CARMIL1: variants seen among roughly 807,000 people sequenced by gnomAD.
The protein encoded by CARMIL1 is capping protein regulator and myosin 1 linker 1.
In CARMIL1, 90 loss-of-function variants were observed where a neutral mutation model predicts 177.1. That is an observed-to-expected ratio of 0.51 (90% CI 0.43 to 0.61). CARMIL1 has a LOEUF of 0.61. Ranked by LOEUF, CARMIL1 falls within the 20% of genes least tolerant of loss-of-function variation. The probability of loss-of-function intolerance (pLI) is 0.00; values close to 1 mark genes in which losing one functional copy is unlikely to be tolerated. For synonymous variants in CARMIL1, 577 were observed against 606.2 expected (o/e 0.95, Z 0.71); for missense variants, 1,380 against 1,667.0 (o/e 0.83, Z 3.00).
intron 32 of CARMIL1, among the ~76,000 whole-genome samples, chr6:25,595,920 T>A (rs1814795278): frequency 6.6e-6 from 1 of 152,210 alleles, no homozygotes; most frequent in Non-Finnish European, 1.5e-5. Flanking sequence ...GCCCATAATA[T>A]ATAGTCTGCC....
intron 29 of CARMIL1, among the ~76,000 whole-genome samples, chr6:25,559,179 G>A (rs1252983230): frequency 6.6e-6 from 1 of 152,074 alleles, no homozygotes; most frequent in African/African-American, 2.4e-5. Context: ...TTCTGAGCTG[G>A]TACAAACTCA....
intron 2 of CARMIL1, among the ~76,000 whole-genome samples, chr6:25,332,572 GA>G (rs1785737814): frequency 6.6e-6 from 1 of 152,134 alleles, no homozygotes; most frequent in Admixed American, 6.6e-5. Context: ...GACTTTTGCT[GA>G]AACTGAGGGA....
intron 8 of CARMIL1, 116 bp downstream of exon 8, chr6:25,450,827 C>A (rs1581990493): frequency 2.8e-6 from 1 of 356,928 alleles, no homozygotes; most frequent in Non-Finnish European, 5.1e-6. Context: ...CCCCTTCCCT[C>A]CCCTTCCCTC....
chr6:25,556,848 A>G lies in CARMIL1; in HGVS notation c.2740A>G (p.Met914Val). ...IERLEDLDTC[M>V]MTPKSKRKSI... ...GCGTTTGGAAGATCTGGATACCTGTATGGTAAGACACATCCTCTGGTGGTA... is the reference window on the plus strand; with the variant it reads ...GCGTTTGGAAGATCTGGATACCTGTGTGGTAAGACACATCCTCTGGTGGTA... The change falls in exon 29 of 37, where the codon ATG (methionine) becomes GTG (valine). Residue 914 changes from methionine to valine, a missense_variant and splice_region_variant. Physicochemically the swap from Met to Val is conservative, Grantham distance 21 (BLOSUM62 1). Transcript: ENST00000329474. 7 of 1,610,222 alleles carry G rather than the reference A, an allele frequency of 4.3e-6. No homozygotes were observed. Among genetic ancestry groups the G allele is most frequent in the Non-Finnish European group, 5.9e-6 (7 of 1,177,718 alleles).
intron 2 of CARMIL1, among the ~76,000 whole-genome samples, chr6:25,391,560 G>A (rs1327427794): frequency 6.6e-6 from 1 of 152,140 alleles, no homozygotes; most frequent in Non-Finnish European, 1.5e-5. Flanking sequence ...CTTCTTCAGG[G>A]GCCTTGTCAG....
At chr6:25,336,347 T>C (rs900985196) in intron 2 of CARMIL1, among the ~76,000 whole-genome samples, 1 of 152,176 alleles carries the variant, frequency 6.6e-6, no homozygotes, top group Non-Finnish European at 1.5e-5. Context: ...AGTACTCAGC[T>C]TCTGTATGTG....
chr6:25,559,380 A>G (rs1368833692), intron 29 of CARMIL1, among the ~76,000 whole-genome samples: 1 of 152,210 alleles, frequency 6.6e-6, no homozygotes, highest in East Asian at 1.9e-4. Flanking sequence ...TTAATTCGTG[A>G]TGGTTTTCTA....
intron 2 of CARMIL1, among the ~76,000 whole-genome samples, chr6:25,328,661 A>G (rs1785334817): frequency 1.3e-5 from 2 of 152,142 alleles, no homozygotes; most frequent in African/African-American, 4.8e-5. Flanking sequence ...TCTCTTCCAG[A>G]GTTATCTTCC....
At chr6:25,566,592 T>C (rs1811573535) in intron 29 of CARMIL1, among the ~76,000 whole-genome samples, 1 of 152,226 alleles carries the variant, frequency 6.6e-6, no homozygotes, top group Non-Finnish European at 1.5e-5. Flanking sequence ...TAGCACTTAT[T>C]AGAACTTGAA....
chr6:25,580,675 C>A (rs1813040741), intron 29 of CARMIL1, among the ~76,000 whole-genome samples: 1 of 152,162 alleles, frequency 6.6e-6, no homozygotes, highest in Admixed American at 6.5e-5. Context: ...TAAATTCATT[C>A]ATTGCTCTTT....
chr6:25,528,207 CCT>C (rs886552093), intron 23 of CARMIL1, among the ~76,000 whole-genome samples: 1 of 151,986 alleles, frequency 6.6e-6, no homozygotes, highest in African/African-American at 2.4e-5. Context: ...ATAATTCAGT[CCT>C]GTTTTTGAGA....
chr6:25,458,188 C>G (rs1799705385), intron 8 of CARMIL1, among the ~76,000 whole-genome samples: 1 of 151,986 alleles, frequency 6.6e-6, no homozygotes, highest in South Asian at 2.1e-4. Context: ...ACTCTCAATC[C>G]CTTGTCAACT....
chr6:25,618,264 T>G (rs562708926), intron 36 of CARMIL1, among the ~76,000 whole-genome samples: 49 of 152,118 alleles, frequency 3.2e-4, no homozygotes, highest in African/African-American at 1.1e-3. Context: ...AGATAAGTTT[T>G]TTTTTTTTTT....
intron 8 of CARMIL1, 116 bp downstream of exon 8, chr6:25,450,827 C>T (rs1581990493): frequency 2.8e-6 from 1 of 356,926 alleles, no homozygotes; most frequent in Non-Finnish European, 5.1e-6. Flanking sequence ...CCCCTTCCCT[C>T]CCCTTCCCTC....
At chr6:25,612,974 C>A in intron 36 of CARMIL1, 1 of 831,398 alleles carries the variant, frequency 1.2e-6, no homozygotes, top group Non-Finnish European at 1.5e-6. Flanking sequence ...TGAATTCTAT[C>A]GTGGGACTGG....
At chr6:25,310,289 A>G (rs2150202714) in intron 2 of CARMIL1, among the ~76,000 whole-genome samples, 1 of 152,334 alleles carries the variant, frequency 6.6e-6, no homozygotes, top group Middle Eastern at 3.4e-3. Context: ...AGGGACATGT[A>G]GACTTAATTA....
At chr6:25,574,507 C>G (rs905849275) in intron 29 of CARMIL1, among the ~76,000 whole-genome samples, 58 of 152,350 alleles carry the variant, frequency 3.8e-4, no homozygotes, top group African/African-American at 1.3e-3. Context: ...CAGGGCATCA[C>G]AGATAATGTA....
chr6:25,490,652 C>G (rs953931640), intron 13 of CARMIL1, among the ~76,000 whole-genome samples: 7 of 151,444 alleles, frequency 4.6e-5, no homozygotes, highest in African/African-American at 1.7e-4. Flanking sequence ...GAGCCGAGAT[C>G]ATACCACTGC....
chr6:25,532,383 T>C (rs1014396237), intron 24 of CARMIL1, among the ~76,000 whole-genome samples: 1 of 152,234 alleles, frequency 6.6e-6, no homozygotes, highest in Admixed American at 6.5e-5. Flanking sequence ...TGTGGATGTT[T>C]AATTCTGCAT....
Sources: gnomAD v4.1 joint callset for allele counts (sites outside exome capture counted in the v4.1 genomes callset) on GRCh38, gnomAD v4.1.1 for gene constraint, MANE v1.5 for transcripts, NCBI Gene and HGNC (gene_info 2026-07-23, HGNC 2026-07-21) for gene names.